The following FUT9 variants were observed in gnomAD, a reference collection of about 807,000 sequenced individuals.
FUT9 encodes 4-galactosyl-N-acetylglucosaminide 3-alpha-L-fucosyltransferase 9.
A neutral mutation model predicts 29.7 loss-of-function variants in FUT9; 15 were observed. The observed-to-expected ratio is 0.51, with a 90% CI of 0.34 to 0.78. The LOEUF is 0.78. Ranked by LOEUF, FUT9 falls within the 30% of genes least tolerant of loss-of-function variation. The pLI is 0.01. For synonymous variants in FUT9, 169 were observed against 153.7 expected (o/e 1.10, Z -0.74); for missense variants, 319 against 425.4 (o/e 0.75, Z 2.20).
At chr6:96,191,803 A>G (rs917350142) in intron 2 of FUT9, among the ~76,000 whole-genome samples, 7 of 152,094 alleles carry the variant, frequency 4.6e-5, no homozygotes, top group South Asian at 2.1e-4. Context: ...AAAATCCTCA[A>G]TAAAATACTG....
Position 96,212,465 on chromosome 6 carries a change from A to G in FUT9, c.*8230A>G. 1 of 410,426 alleles carries G rather than the reference A, an allele frequency of 2.4e-6. No homozygotes were observed. Among genetic ancestry groups the G allele is most frequent in the Non-Finnish European group, 4.5e-6 (1 of 224,336 alleles). 25.4% of individuals were successfully genotyped at this position (410,426 alleles called of 1,614,324 possible). On this transcript the variant is annotated 3_prime_UTR_variant, in exon 3 of 3. Coordinates refer to ENST00000302103, the MANE Select transcript of FUT9 (RefSeq NM_006581.4). ...AGATAATCTATCTTGAATATTTCATATGTGATTTTAAAATAATTAATCAAA... is the reference window on the plus strand; with the variant it reads ...AGATAATCTATCTTGAATATTTCATGTGTGATTTTAAAATAATTAATCAAA...
intron 2 of FUT9, among the ~76,000 whole-genome samples, chr6:96,188,081 T>C (rs1773436635): frequency 6.6e-6 from 1 of 152,246 alleles, no homozygotes; most frequent in South Asian, 2.1e-4. Flanking sequence ...GTGACCACTG[T>C]TCCTGGCCGT....
intron 2 of FUT9, among the ~76,000 whole-genome samples, chr6:96,159,909 A>G (rs1772865251): frequency 6.6e-6 from 1 of 152,146 alleles, no homozygotes; most frequent in South Asian, 2.1e-4. Context: ...AGTTATGGCC[A>G]CAGCTACTTT....
chr6:96,122,880 A>T (rs995040351), intron 2 of FUT9, among the ~76,000 whole-genome samples: 1 of 151,906 alleles, frequency 6.6e-6, no homozygotes, highest in Admixed American at 6.6e-5. Flanking sequence ...CCCCGTCTCT[A>T]CTAAAAATAC....
rs188874156 is a variant in FUT9 at position 96,021,433 on chromosome 6, G to A, written c.-98+5221G>A. ...AACTAAGTATATACTTTTAAAGTAA[G>A]TAGGAAATGCTTACCTTTTAAGAAA... On this transcript the variant is annotated intron_variant, in intron 1 of 2. Coordinates refer to ENST00000302103, the MANE Select transcript of FUT9 (RefSeq NM_006581.4). Among the ~76,000 whole-genome samples the A allele has an allele frequency of 6.9e-3, 1,050 of 151,994 alleles. 6 individuals carry two copies. Among genetic ancestry groups the A allele is most frequent in the Middle Eastern group, 0.02 (6 of 294 alleles).
chr6:96,147,980 G>A (rs764694855), intron 2 of FUT9, among the ~76,000 whole-genome samples: 1 of 151,638 alleles, frequency 6.6e-6, no homozygotes, highest in Non-Finnish European at 1.5e-5. Context: ...GTACCGAAGC[G>A]AAAATTAGTT....
chr6:96,060,541 C>CTT (rs766221602), intron 1 of FUT9, among the ~76,000 whole-genome samples: 2 of 149,000 alleles, frequency 1.3e-5, no homozygotes, highest in African/African-American at 2.5e-5. Context: ...TTTTCTCTCT[C>CTT]TCTTTTTTTT....
At chr6:96,069,883 G>A (rs1022699051) in intron 1 of FUT9, among the ~76,000 whole-genome samples, 5 of 151,662 alleles carry the variant, frequency 3.3e-5, no homozygotes, top group East Asian at 1.9e-4. Flanking sequence ...TACCCTCCTC[G>A]GCCTCTCAAA....
chr6:96,056,479 A>G (rs1387732045), intron 1 of FUT9, among the ~76,000 whole-genome samples: 1 of 152,254 alleles, frequency 6.6e-6, no homozygotes, highest in Non-Finnish European at 1.5e-5. Flanking sequence ...TCAATAAAAC[A>G]TGCAGGAAGT....
chr6:96,180,211 T>A (rs758472411), intron 2 of FUT9, among the ~76,000 whole-genome samples: 3 of 152,172 alleles, frequency 2.0e-5, no homozygotes, highest in Non-Finnish European at 4.4e-5. Context: ...GTGTTTGCTA[T>A]GTCCAGGGAC....
chr6:96,056,637 G>T (rs991907422), intron 1 of FUT9, among the ~76,000 whole-genome samples: 2 of 151,962 alleles, frequency 1.3e-5, no homozygotes, highest in Non-Finnish European at 2.9e-5. Flanking sequence ...GTAGTCCCAG[G>T]TACTTGCGAG....
At chr6:96,037,084 T>C (rs968947252) in intron 1 of FUT9, 2 of 152,042 alleles carry the variant, frequency 1.3e-5, no homozygotes, top group African/African-American at 4.8e-5. Context: ...CCACAGGTTT[T>C]AGGATTCTAT....
intron 1 of FUT9, among the ~76,000 whole-genome samples, chr6:96,042,759 T>C (rs1403683458): frequency 6.6e-6 from 1 of 152,210 alleles, no homozygotes; most frequent in East Asian, 1.9e-4. Flanking sequence ...TTTATAGATG[T>C]ATTAACCCAT....
At chr6:96,033,951 C>A (rs899502301) in intron 1 of FUT9, among the ~76,000 whole-genome samples, 2 of 150,550 alleles carry the variant, frequency 1.3e-5, no homozygotes, top group African/African-American at 2.4e-5. Flanking sequence ...ACTTAAACAC[C>A]CTAAATTAAG....
At chr6:96,201,991 G>T (rs1254549101) in intron 2 of FUT9, among the ~76,000 whole-genome samples, 1 of 151,540 alleles carries the variant, frequency 6.6e-6, no homozygotes, top group Non-Finnish European at 1.5e-5. Context: ...CCGTTTTTTG[G>T]AAGGAAACAT....
At chr6:96,184,379 T>A (rs2127986825) in intron 2 of FUT9, among the ~76,000 whole-genome samples, 1 of 152,218 alleles carries the variant, frequency 6.6e-6, no homozygotes, top group South Asian at 2.1e-4. Flanking sequence ...ATTTTATTTA[T>A]CTTTTCAAAG....
At chr6:96,177,045 C>T (rs1249946972) in intron 2 of FUT9, among the ~76,000 whole-genome samples, 2 of 152,252 alleles carry the variant, frequency 1.3e-5, no homozygotes, top group Middle Eastern at 3.4e-3. Context: ...ATACTGTTGG[C>T]TCTTCCCATG....
At chr6:96,144,597 A>T (rs916424552) in intron 2 of FUT9, among the ~76,000 whole-genome samples, 1 of 152,216 alleles carries the variant, frequency 6.6e-6, no homozygotes, top group Admixed American at 6.5e-5. Context: ...GATTAAAAAC[A>T]CCATGGATCT....
intron 1 of FUT9, among the ~76,000 whole-genome samples, chr6:96,054,272 G>T (rs1770724165): frequency 1.3e-5 from 2 of 152,168 alleles, no homozygotes; most frequent in South Asian, 4.1e-4. Context: ...TAACAAAAAT[G>T]AAAGAGATAG....
Sources: allele counts gnomAD v4.1 joint callset (sites outside exome capture counted in the v4.1 genomes callset), GRCh38; gene constraint gnomAD v4.1.1; transcripts MANE v1.5; gene names NCBI Gene and HGNC (gene_info 2026-07-23, HGNC 2026-07-21).